Variants in ANO10 observed in about 807,000 individuals in gnomAD.
ANO10 encodes anoctamin-10.
In ANO10, 77 loss-of-function variants were observed where a neutral mutation model predicts 74.7. The ratio of observed to expected loss-of-function variants is 1.03; its 90% CI spans 0.86 to 1.25. The LOEUF is 1.25. Among genes scored for constraint, ANO10 ranks in the 50% most tolerant of loss-of-function variants. The probability of loss-of-function intolerance (pLI) is 0.00; values close to 1 mark genes in which losing one functional copy is unlikely to be tolerated. For missense variants in ANO10, 721 were observed against 778.1 expected (o/e 0.93, Z 0.87); for synonymous variants, 279 against 284.9 (o/e 0.98, Z 0.21).
chr3:43,468,762 G>A lies in ANO10; in HGVS notation c.1798-36035C>T, dbSNP rs187135489. Among the ~76,000 whole-genome samples the A allele has an allele frequency of 4.5e-3, 685 of 150,768 alleles. 2 individuals are homozygous for A. The highest frequency in any genetic ancestry group is 8.1e-3 in the Non-Finnish European group (549 of 67,788). ...GTCTCGCTCTGTTGCCCAGGCTGGA[G>A]TGCAGTAGTGCGATCTCGGCTCACT... On this transcript the variant is annotated intron_variant, in intron 11 of 12. Transcript: ENST00000292246.
At chr3:43,598,410 AT>A in intron 4 of ANO10, 121 bp downstream of exon 4, 4 of 958,580 alleles carry the variant, frequency 4.2e-6, no homozygotes, top group Non-Finnish European at 6.3e-6. Flanking sequence ...GGGAAAAGAT[AT>A]GTTCATAAAA....
rs575563682 is a variant in ANO10, at chr3:43,441,935, C to T, written c.1798-9208G>A. Among the ~76,000 whole-genome samples, 32 of 151,994 alleles carry T rather than the reference C, an allele frequency of 2.1e-4. 1 individual carries two copies. The South Asian group carries it at 3.9e-3, about 19-fold the overall frequency. ...TTTCAATTGATGCAAAAAAAGTATA[C>T]GACAAAATTCAATACCCTTTCATGA... is the stretch of plus-strand genomic sequence containing the variant. On this transcript the variant is annotated intron_variant, in intron 11 of 12. Transcript: ENST00000292246.
chr3:43,486,788 C>T (rs1433546916), intron 11 of ANO10, among the ~76,000 whole-genome samples: 2 of 151,670 alleles, frequency 1.3e-5, no homozygotes, highest in Non-Finnish European at 2.9e-5. Flanking sequence ...AATTGAATAC[C>T]CTTTATTTCC....
chr3:43,375,058 G>T lies in ANO10; in HGVS notation c.1915-8084C>A, dbSNP rs1468661822. ...ACCACATGAACCCGGGAGGCGGAGG[G>T]TGCAGTGAGCCGAGATTGCGCCACT... On this transcript the variant is annotated intron_variant, in intron 12 of 12. Transcript: ENST00000292246. Among the ~76,000 whole-genome samples the T allele has an allele frequency of 5.1e-4, 78 of 151,710 alleles. 1 individual carries two copies. Among genetic ancestry groups the T allele is most frequent in the African/African-American group, 1.8e-3 (73 of 41,310 alleles).
At chr3:43,683,464 T>C (rs532379191) in intron 1 of ANO10, among the ~76,000 whole-genome samples, 1 of 152,292 alleles carries the variant, frequency 6.6e-6, no homozygotes, top group South Asian at 2.1e-4. Context: ...TCCATGCTCA[T>C]GGCTAGGAAG....
At chr3:43,633,138 A>G (rs2149559822) in intron 1 of ANO10, among the ~76,000 whole-genome samples, 1 of 152,280 alleles carries the variant, frequency 6.6e-6, no homozygotes, top group South Asian at 2.1e-4. Context: ...GTATTAAAAG[A>G]CCTATCTCGT....
intron 12 of ANO10, among the ~76,000 whole-genome samples, chr3:43,412,956 C>A (rs1054813165): frequency 2.0e-5 from 3 of 152,174 alleles, no homozygotes; most frequent in Non-Finnish European, 2.9e-5. Flanking sequence ...GAGGACAAGG[C>A]AGGAGAATCA....
intron 12 of ANO10, among the ~76,000 whole-genome samples, chr3:43,419,302 C>T (rs1285428119): frequency 1.3e-5 from 2 of 152,224 alleles, no homozygotes; most frequent in East Asian, 3.8e-4. Flanking sequence ...TGGGAGAGGA[C>T]TCCACAAGGG....
At chr3:43,471,184 A>T (rs1316163992) in intron 11 of ANO10, among the ~76,000 whole-genome samples, 2 of 152,158 alleles carry the variant, frequency 1.3e-5, no homozygotes, top group Non-Finnish European at 2.9e-5. Flanking sequence ...CCAGTTGGAA[A>T]CCTATTTATA....
intron 1 of ANO10, among the ~76,000 whole-genome samples, chr3:43,681,488 T>G (rs975559501): frequency 2.4e-5 from 1 of 41,504 alleles, no homozygotes; most frequent in African/African-American, 8.1e-5. Flanking sequence ...TGGGAGACTT[T>G]TACACCCACC....
At chr3:43,663,465 C>T (rs1202493027) in intron 1 of ANO10, among the ~76,000 whole-genome samples, 1 of 152,164 alleles carries the variant, frequency 6.6e-6, no homozygotes, top group Non-Finnish European at 1.5e-5. Context: ...GAAGCATTCC[C>T]TTTGAAAACT....
At chr3:43,666,450 AT>A (rs887940938) in intron 1 of ANO10, among the ~76,000 whole-genome samples, 2 of 152,204 alleles carry the variant, frequency 1.3e-5, no homozygotes, top group Admixed American at 6.5e-5. Context: ...TTGTTTGGGG[AT>A]TTAGCCAGTA....
intron 1 of ANO10, among the ~76,000 whole-genome samples, chr3:43,681,551 T>C (rs1268758540): frequency 6.6e-6 from 1 of 152,086 alleles, no homozygotes; most frequent in Non-Finnish European, 1.5e-5. Context: ...TATCCAGGAA[T>C]TGAACTCAGC....
intron 1 of ANO10, among the ~76,000 whole-genome samples, chr3:43,619,437 C>T (rs2149541555): frequency 6.6e-6 from 1 of 152,288 alleles, no homozygotes; most frequent in African/African-American, 2.4e-5. Flanking sequence ...ATTGCACCAT[C>T]GTCATCTAAG....
chr3:43,682,032 G>A (rs961835583), intron 1 of ANO10, among the ~76,000 whole-genome samples: 1 of 152,126 alleles, frequency 6.6e-6, no homozygotes. Flanking sequence ...AGAGAAGCAA[G>A]AGCAAACACA....
chr3:43,389,342 G>T (rs1234573689), intron 12 of ANO10, among the ~76,000 whole-genome samples: 1 of 152,180 alleles, frequency 6.6e-6, no homozygotes, highest in Non-Finnish European at 1.5e-5. Context: ...ATAAAATATA[G>T]ATGATTTTAT....
intron 1 of ANO10, among the ~76,000 whole-genome samples, chr3:43,679,381 C>T (rs976251774): frequency 6.6e-6 from 1 of 152,122 alleles, no homozygotes; most frequent in Non-Finnish European, 1.5e-5. Context: ...AAGGCAGCAG[C>T]GAGGCTAGGG....
rs117426052 is a variant in ANO10 at position 43,394,146 on chromosome 3, G to A, written c.1915-27172C>T. On this transcript the variant is annotated intron_variant, in intron 12 of 12. Transcript: ENST00000292246. ...ATATGCTTTCACATCTTGGAAATCC[G>A]TGCTAATGAGACAACATCCTTCCTG... Among the ~76,000 whole-genome samples, 15 of 152,192 alleles carry A rather than the reference G, an allele frequency of 9.9e-5. No homozygotes were observed. In the East Asian group the frequency reaches 1.5e-3, roughly 16 times the overall value.
chr3:43,573,826 T>C (rs1371669225), intron 7 of ANO10, among the ~76,000 whole-genome samples: 5 of 152,244 alleles, frequency 3.3e-5, no homozygotes, highest in Non-Finnish European at 7.3e-5. Flanking sequence ...TTTTTTTTAA[T>C]GTAATATTCC....
Sources: gnomAD v4.1 joint callset for allele counts (sites outside exome capture counted in the v4.1 genomes callset) on GRCh38, gnomAD v4.1.1 for gene constraint, MANE v1.5 for transcripts, NCBI Gene and HGNC (gene_info 2026-07-23, HGNC 2026-07-21) for gene names.